The following THSD7B variants were observed in gnomAD, a reference collection of about 807,000 sequenced individuals.
THSD7B encodes thrombospondin type-1 domain-containing protein 7B.
A neutral mutation model predicts 213.6 loss-of-function variants in THSD7B; 138 were observed. That is an observed-to-expected ratio of 0.65 (90% CI 0.56 to 0.74). The LOEUF is 0.74. THSD7B is among the 30% of genes least tolerant of loss of function. The probability of loss-of-function intolerance (pLI) is 0.00; values close to 1 mark genes in which losing one functional copy is unlikely to be tolerated. For missense variants in THSD7B, 1,931 were observed against 1,991.5 expected (o/e 0.97, Z 0.58); for synonymous variants, 742 against 687.0 (o/e 1.08, Z -1.25).
chr2:137,672,186 TTA>T (rs1233914337), intron 27 of THSD7B, among the ~76,000 whole-genome samples: 2 of 152,208 alleles, frequency 1.3e-5, no homozygotes, highest in African/African-American at 4.8e-5. Flanking sequence ...AATCTAATAT[TTA>T]TATGTCAAAT....
intron 5 of THSD7B, among the ~76,000 whole-genome samples, chr2:137,131,226 GT>G (rs1346889000): frequency 6.7e-6 from 1 of 149,978 alleles, no homozygotes; most frequent in Non-Finnish European, 1.5e-5. Context: ...TGATGGGGTT[GT>G]TTGTTTTTTT....
intron 10 of THSD7B, among the ~76,000 whole-genome samples, chr2:137,264,539 C>T (rs534787288): frequency 5.3e-5 from 8 of 152,262 alleles, no homozygotes; most frequent in Admixed American, 2.0e-4. Context: ...TGAGCCACCG[C>T]GCCCAGCCAG....
intron 9 of THSD7B, among the ~76,000 whole-genome samples, chr2:137,236,230 A>T (rs1434839145): frequency 6.6e-6 from 1 of 152,208 alleles, no homozygotes; most frequent in Non-Finnish European, 1.5e-5. Context: ...CAGAAAACAG[A>T]GAAGGACGCA....
At chr2:137,215,003 C>G (rs1456173872) in intron 7 of THSD7B, among the ~76,000 whole-genome samples, 3 of 152,010 alleles carry the variant, frequency 2.0e-5, no homozygotes, top group African/African-American at 7.2e-5. Flanking sequence ...TTGAGGAATC[C>G]CTACACTGTC....
intron 12 of THSD7B, among the ~76,000 whole-genome samples, chr2:137,367,162 A>G (rs926020690): frequency 6.6e-6 from 1 of 152,138 alleles, no homozygotes; most frequent in African/African-American, 2.4e-5. Flanking sequence ...TGTTATACCA[A>G]TGCAGTAGCT....
intron 5 of THSD7B, among the ~76,000 whole-genome samples, chr2:137,119,462 C>A (rs1457403495): frequency 6.6e-6 from 1 of 152,052 alleles, no homozygotes; most frequent in Non-Finnish European, 1.5e-5. Context: ...TTATTGATGC[C>A]CAAGAGTAAT....
chr2:137,088,413 A>G (rs1687883242), intron 3 of THSD7B, among the ~76,000 whole-genome samples: 1 of 152,060 alleles, frequency 6.6e-6, no homozygotes, highest in Non-Finnish European at 1.5e-5. Context: ...TACTGGGATA[A>G]TTGGCTAGCC....
At chr2:137,626,140 A>G (rs1358267295) in intron 20 of THSD7B, among the ~76,000 whole-genome samples, 2 of 152,136 alleles carry the variant, frequency 1.3e-5, no homozygotes, top group Non-Finnish European at 1.5e-5. Flanking sequence ...GGCCTCTGAT[A>G]GGAAGTGTTG....
intron 17 of THSD7B, among the ~76,000 whole-genome samples, chr2:137,581,759 C>CA (rs1205000745): frequency 5.3e-4 from 54 of 102,504 alleles, no homozygotes; most frequent in South Asian, 3.2e-3. Flanking sequence ...GACTCCGTCT[C>CA]AAAAAAAAAA....
chr2:137,322,067 G>A (rs932906925), intron 12 of THSD7B, among the ~76,000 whole-genome samples: 2 of 152,182 alleles, frequency 1.3e-5, no homozygotes, highest in African/African-American at 4.8e-5. Context: ...GAGTTTTAAG[G>A]TTGTAGAGCA....
intron 27 of THSD7B, among the ~76,000 whole-genome samples, chr2:137,672,941 G>A (rs552444958): frequency 2.0e-5 from 3 of 152,266 alleles, no homozygotes; most frequent in South Asian, 2.1e-4. Flanking sequence ...TGAACTTGCT[G>A]TTAACCTAGA....
chr2:137,610,184 A>G (rs1682262140), intron 17 of THSD7B, among the ~76,000 whole-genome samples: 1 of 152,148 alleles, frequency 6.6e-6, no homozygotes, highest in African/African-American at 2.4e-5. Context: ...AGATTGCCGA[A>G]TCCAAACCCC....
chr2:136,905,164 T>C (rs1684138021), intron 2 of THSD7B, among the ~76,000 whole-genome samples: 1 of 152,238 alleles, frequency 6.6e-6, no homozygotes, highest in Non-Finnish European at 1.5e-5. Flanking sequence ...ACTTTCCAAA[T>C]AATATATCGA....
intron 2 of THSD7B, among the ~76,000 whole-genome samples, chr2:137,011,842 T>C (rs1429178298): frequency 6.6e-6 from 1 of 152,206 alleles, no homozygotes; most frequent in African/African-American, 2.4e-5. Context: ...TTTTGTTTGA[T>C]CACTACCGTC....
rs1234858583 is a variant in THSD7B at position 137,397,034 on chromosome 2, C to G, written c.2501-8579C>G. The stretch of plus-strand genomic sequence containing the variant: ...TTTTCTTGGTAGTTCTTCCTCCATC[C>G]TTTTATTTTGAGCCTATGTGTGTCT... On this transcript the variant is annotated intron_variant, in intron 12 of 27. Transcript: ENST00000409968. Among the ~76,000 whole-genome samples the G allele has an allele frequency of 3.1e-4, 44 of 142,934 alleles. 1 individual carries two copies. The highest frequency in any genetic ancestry group is 3.0e-3 in the Admixed American group (44 of 14,434). The allele number at this position is 142,934 out of a possible 152,430, so 93.8% of individuals were successfully genotyped here.
At chr2:137,069,549 A>G (rs1396212821) in intron 3 of THSD7B, among the ~76,000 whole-genome samples, 4 of 151,992 alleles carry the variant, frequency 2.6e-5, no homozygotes, top group Non-Finnish European at 4.4e-5. Flanking sequence ...CCATCTTTCA[A>G]TTCTCAGAAC....
intron 12 of THSD7B, among the ~76,000 whole-genome samples, chr2:137,392,826 G>A (rs1046133552): frequency 2.6e-5 from 4 of 151,980 alleles, no homozygotes; most frequent in African/African-American, 4.8e-5. Context: ...TGTCATATTT[G>A]TCTTTAGGTG....
At chr2:137,449,821 C>A (rs887706787) in intron 14 of THSD7B, among the ~76,000 whole-genome samples, 1 of 152,176 alleles carries the variant, frequency 6.6e-6, no homozygotes, top group South Asian at 2.1e-4. Context: ...ATATCTCAAA[C>A]TGATTAACTG....
intron 15 of THSD7B, among the ~76,000 whole-genome samples, chr2:137,462,939 A>T (rs1329772423): frequency 6.6e-6 from 1 of 152,050 alleles, no homozygotes; most frequent in Non-Finnish European, 1.5e-5. Flanking sequence ...TAAGAGGTAA[A>T]TCTTCTATCT....
Sources: gnomAD v4.1 joint callset for allele counts (sites outside exome capture counted in the v4.1 genomes callset) on GRCh38, gnomAD v4.1.1 for gene constraint, MANE v1.5 for transcripts, NCBI Gene and HGNC (gene_info 2026-07-23, HGNC 2026-07-21) for gene names.